GSG1L: variants seen among roughly 807,000 people sequenced by gnomAD.
GSG1L encodes the protein GSG1 like, also known as germ cell-specific gene 1-like protein.
Under a neutral mutation model 42.1 loss-of-function variants are expected in GSG1L, and 24 were observed. That is an observed-to-expected ratio of 0.57 (90% CI 0.41 to 0.80). The LOEUF (loss-of-function observed/expected upper bound fraction) is 0.80. GSG1L is among the 30% of genes least tolerant of loss of function. The pLI is 0.00. For synonymous variants in GSG1L, 215 were observed against 203.5 expected (o/e 1.06, Z -0.48); for missense variants, 445 against 472.2 (o/e 0.94, Z 0.53).
chr16:27,802,598 C>T (rs2082895860), intron 6 of GSG1L, among the ~76,000 whole-genome samples: 1 of 152,100 alleles, frequency 6.6e-6, no homozygotes, highest in African/African-American at 2.4e-5. Context: ...GCTCTTTCCC[C>T]ACCGGCCTCT....
chr16:27,952,913 G>A (rs759517095), intron 2 of GSG1L, among the ~76,000 whole-genome samples: 4 of 152,102 alleles, frequency 2.6e-5, no homozygotes, highest in Non-Finnish European at 4.4e-5. Context: ...CAAGCCCTCC[G>A]CAAGTTCCCT....
chr16:27,865,604 T>C, intron 3 of GSG1L, among the ~76,000 whole-genome samples: 1 of 141,618 alleles, frequency 7.1e-6, no homozygotes, highest in African/African-American at 2.6e-5. Context: ...CACACACATA[T>C]ATATACACAC....
intron 4 of GSG1L, among the ~76,000 whole-genome samples, chr16:27,829,550 T>C (rs1596540434): frequency 2.6e-5 from 4 of 152,324 alleles, no homozygotes; most frequent in East Asian, 1.9e-4. Context: ...ACATTCCTCA[T>C]GACTATTTGT....
At chr16:27,811,413 A>T (rs1597466067) in intron 5 of GSG1L, among the ~76,000 whole-genome samples, 1 of 152,218 alleles carries the variant, frequency 6.6e-6, no homozygotes, top group East Asian at 1.9e-4. Context: ...GCTCAGGACT[A>T]GAGTATCACC....
chr16:28,000,721 T>C (rs2085571021), intron 1 of GSG1L, among the ~76,000 whole-genome samples: 1 of 152,132 alleles, frequency 6.6e-6, no homozygotes, highest in African/African-American at 2.4e-5. Flanking sequence ...TGGGGTTTAT[T>C]TGGTAGTTGT....
At chr16:27,801,993 T>A (rs751839796) in intron 6 of GSG1L, among the ~76,000 whole-genome samples, 5 of 152,136 alleles carry the variant, frequency 3.3e-5, no homozygotes, top group Admixed American at 3.3e-4. Context: ...AATGCAGGTA[T>A]CATCATGATA....
At chr16:27,919,430 A>T (rs2084499703) in intron 2 of GSG1L, among the ~76,000 whole-genome samples, 1 of 152,158 alleles carries the variant, frequency 6.6e-6, no homozygotes, top group South Asian at 2.1e-4. Context: ...TCCTCAAAAC[A>T]TGCCAAGCTC....
At chr16:27,797,589 G>A (rs568397268) in intron 6 of GSG1L, among the ~76,000 whole-genome samples, 14 of 151,080 alleles carry the variant, frequency 9.3e-5, no homozygotes, top group African/African-American at 1.9e-4. Context: ...TTGGGAGGCC[G>A]AGGCGGGTGG....
intron 2 of GSG1L, among the ~76,000 whole-genome samples, chr16:27,949,788 G>C (rs1415948713): frequency 6.6e-6 from 1 of 152,142 alleles, no homozygotes; most frequent in African/African-American, 2.4e-5. Flanking sequence ...AGCTGGTTGC[G>C]GTGGTGGGCG....
chr16:27,899,944 C>T (rs2084237431), intron 2 of GSG1L, among the ~76,000 whole-genome samples: 1 of 152,156 alleles, frequency 6.6e-6, no homozygotes, highest in South Asian at 2.1e-4. Context: ...CACATTTGCC[C>T]AGGATCTCAA....
chr16:27,829,001 G>C, intron 4 of GSG1L, 45 bp from the exon 5 acceptor site: 1 of 1,591,550 alleles, frequency 6.3e-7, no homozygotes, highest in South Asian at 1.1e-5. Context: ...GGGTGGGCAA[G>C]GGACAGGAAA....
At chr16:27,862,927 G>A (rs191471745) in intron 3 of GSG1L, among the ~76,000 whole-genome samples, 1 of 152,000 alleles carries the variant, frequency 6.6e-6, no homozygotes, top group East Asian at 1.9e-4. Context: ...ATATTCTCTA[G>A]GGTTTTTTTT....
chr16:27,885,032 C>T (rs989160009), intron 2 of GSG1L, among the ~76,000 whole-genome samples: 22 of 152,166 alleles, frequency 1.4e-4, no homozygotes, highest in African/African-American at 5.1e-4. Flanking sequence ...CACCAGCCCT[C>T]GGAGCTGCCC....
In GSG1L at chr16:28,042,024, C is replaced by T. The variant is rs539997566; in HGVS notation, c.349+21052G>A. ...ATGGAGGGAATTGTGGTTTTACATTCGCCATTTCTGTTATGAAAGGAACTA... is the reference window on the plus strand; with the variant it reads ...ATGGAGGGAATTGTGGTTTTACATTTGCCATTTCTGTTATGAAAGGAACTA... On this transcript the variant is annotated intron_variant, in intron 1 of 6. Transcript: ENST00000447459. 2.0e-5 allele frequency among the ~76,000 whole-genome samples: 3 copies of T among 152,268 alleles called. No individual in the cohort carries two copies. In the East Asian group the frequency reaches 5.8e-4, roughly 29 times the overall value.
chr16:27,792,670 C>T (rs931843126), intron 6 of GSG1L, among the ~76,000 whole-genome samples: 4 of 152,178 alleles, frequency 2.6e-5, no homozygotes, highest in African/African-American at 9.7e-5. Flanking sequence ...TCAGCGCACA[C>T]TCTGCCAGCA....
At chr16:27,855,764 C>T (rs1056191428) in intron 3 of GSG1L, among the ~76,000 whole-genome samples, 8 of 151,676 alleles carry the variant, frequency 5.3e-5, no homozygotes, top group African/African-American at 1.9e-4. Flanking sequence ...CAGACATGGC[C>T]CCTACCCACT....
In GSG1L at chr16:28,010,761, G is replaced by A. The variant is rs148212022; in HGVS notation, c.350-47558C>T. On this transcript the variant is annotated intron_variant, in intron 1 of 6. Transcript: ENST00000447459. Reference sequence around the variant, plus strand: ...AGATGGCACCAAACATCCCTCCACCGGAAATCATTCCTTGGCAACTGGTGC... The same window carrying A: ...AGATGGCACCAAACATCCCTCCACCAGAAATCATTCCTTGGCAACTGGTGC... 3.1e-3 allele frequency among the ~76,000 whole-genome samples: 474 copies of A among 152,290 alleles called. 1 individual carries two copies. The highest frequency in any genetic ancestry group is 4.7e-3 in the Non-Finnish European group (318 of 68,010).
rs370702006 is a variant in GSG1L at position 27,856,161 on chromosome 16, C to A, written c.551-11100G>T. Among the ~76,000 whole-genome samples the A allele has an allele frequency of 2.2e-3, 340 of 152,188 alleles. 1 individual carries two copies. The highest frequency in any genetic ancestry group is 7.5e-3 in the African/African-American group (311 of 41,506). Reference sequence around the variant, plus strand: ...TACCAGATGCCAGGAATGTGCACCCCCCCCCATCCCCACATACCCCAGTCA... The same window carrying A: ...TACCAGATGCCAGGAATGTGCACCCACCCCCATCCCCACATACCCCAGTCA... On this transcript the variant is annotated intron_variant, in intron 3 of 6. Transcript: ENST00000447459.
intron 1 of GSG1L, among the ~76,000 whole-genome samples, chr16:28,036,491 G>A (rs575807617): frequency 1.5e-5 from 2 of 133,332 alleles, no homozygotes; most frequent in South Asian, 2.9e-4. Context: ...ACTCAGGCAC[G>A]CTCCTCACGT....
Sources: allele counts gnomAD v4.1 joint callset (sites outside exome capture counted in the v4.1 genomes callset), GRCh38; gene constraint gnomAD v4.1.1; transcripts MANE v1.5; gene names NCBI Gene and HGNC (gene_info 2026-07-23, HGNC 2026-07-21).